Variants in NFIB observed in about 807,000 individuals in gnomAD.
The protein encoded by NFIB is nuclear factor I B.
NFIB carries 11 observed loss-of-function variants against 61.5 expected under a neutral mutation model. The observed-to-expected ratio is 0.18, with a 90% confidence interval of 0.11 to 0.30. The LOEUF is 0.30. NFIB is among the 10% of genes least tolerant of loss of function. The pLI, the probability that NFIB is intolerant of heterozygous loss-of-function variation, is 1.00. For synonymous variants in NFIB, 260 were observed against 216.5 expected (o/e 1.20, Z -1.76); for missense variants, 471 against 608.9 (o/e 0.77, Z 2.38).
At chr9:14,124,170 G>A (rs1382443572) in intron 7 of NFIB, among the ~76,000 whole-genome samples, 1 of 152,064 alleles carries the variant, frequency 6.6e-6, no homozygotes, top group African/African-American at 2.4e-5. Context: ...GCTCATCTAG[G>A]TCTCTCCTGT....
At chr9:14,459,607 C>A in the NFIB span, among the ~76,000 whole-genome samples, 3 of 151,566 alleles carry the variant, frequency 2.0e-5, no homozygotes, top group Admixed American at 6.6e-5. Context: ...AAAATTTTTG[C>A]AATCTACTCA....
At position 14,313,740 on chromosome 9, in the gene NFIB, T is replaced by TTAA. The variant is rs1588284979; in HGVS notation, c.-230_-229insTTA. On this transcript the variant is annotated 5_prime_UTR_variant, in exon 1 of 11. Transcript: ENST00000380953. This position sits in a 1 kb window ranked among gnomAD's most constrained non-coding sequence, Gnocchi z 4.5. ...TCCAGGGGTGAAATCCAATCTACAC[T>TTAA]TTTAACCCTCTTGCAGTCCGAGCGC... The TTAA allele has an allele frequency of 1.9e-5, 26 of 1,392,460 alleles. No homozygotes were observed. The East Asian group carries it at 6.9e-4, about 37-fold the overall frequency. The allele number at this position is 1,392,460 out of a possible 1,614,324, so 86.3% of individuals were successfully genotyped here.
At chr9:14,427,934 G>GTTTTTTTT in the NFIB span, among the ~76,000 whole-genome samples, 62 of 25,960 alleles carry the variant, frequency 2.4e-3, 2 homozygotes, top group African/African-American at 3.2e-3. Context: ...CTTTAATTCA[G>GTTTTTTTT]TTGTTTTTTT....
chr9:14,093,356 T>A (rs1042278268), intron 10 of NFIB: 18 of 152,014 alleles, frequency 1.2e-4, no homozygotes, highest in Non-Finnish European at 2.6e-4. Context: ...GGTTTAATCA[T>A]GAGAAAATAC....
At chr9:14,486,509 G>A in the NFIB span, among the ~76,000 whole-genome samples, 10 of 152,194 alleles carry the variant, frequency 6.6e-5, no homozygotes, top group Non-Finnish European at 1.2e-4. Flanking sequence ...AAATGCAAAC[G>A]GAAGTACCTG....
At chr9:14,423,354 A>C in the NFIB span, among the ~76,000 whole-genome samples, 2 of 152,216 alleles carry the variant, frequency 1.3e-5, no homozygotes, top group African/African-American at 4.8e-5. Context: ...TCTCGTGCTA[A>C]AGCTATACAT....
At chr9:14,105,622 G>A (rs765787729) in intron 10 of NFIB, among the ~76,000 whole-genome samples, 23 of 151,918 alleles carry the variant, frequency 1.5e-4, no homozygotes, top group Non-Finnish European at 2.6e-4. Flanking sequence ...TATGGGTGGG[G>A]GATGCAATTA....
At chr9:14,146,838 G>C (rs776998839) in intron 5 of NFIB, 31 bp from the exon 6 acceptor site, 3 of 1,594,158 alleles carry the variant, frequency 1.9e-6, no homozygotes, top group African/African-American at 2.7e-5. Flanking sequence ...TTATATTAAT[G>C]GGATTTCTGG....
chr9:14,450,093 A>G, the NFIB span, among the ~76,000 whole-genome samples: 1 of 152,026 alleles, frequency 6.6e-6, no homozygotes, highest in Admixed American at 6.5e-5. Flanking sequence ...TACATTAGTT[A>G]TTTCTCTTAA....
Position 14,182,258 on chromosome 9 carries a change from T to G in NFIB, c.563-2478A>C, listed in dbSNP as rs116149291. On this transcript the variant is annotated intron_variant, in intron 2 of 10. Coordinates refer to ENST00000380953, the MANE Select transcript of NFIB (RefSeq NM_001190737.2). ...GGCACACATTGGCTTTTTGTAACAA[T>G]TCCACTTTCTAAAATGATCTGGTGT... Among the ~76,000 whole-genome samples the G allele has an allele frequency of 5.7e-3, 866 of 152,282 alleles. 8 individuals carry two copies. Among genetic ancestry groups the G allele is most frequent in the African/African-American group, 0.02 (839 of 41,562 alleles).
At chr9:14,417,934 C>T in the NFIB span, among the ~76,000 whole-genome samples, 15 of 152,114 alleles carry the variant, frequency 9.9e-5, no homozygotes, top group South Asian at 1.0e-3. Flanking sequence ...GTGCCCCCCA[C>T]GCCCAGCTAA....
At chr9:14,448,990 A>G in the NFIB span, among the ~76,000 whole-genome samples, 2 of 152,194 alleles carry the variant, frequency 1.3e-5, no homozygotes, top group Admixed American at 1.3e-4. Context: ...GAAGAGCACT[A>G]TGAGACAGTG....
chr9:14,361,032 T>A (rs940027990), intron 1 of NFIB, among the ~76,000 whole-genome samples: 1 of 152,166 alleles, frequency 6.6e-6, no homozygotes, highest in Non-Finnish European at 1.5e-5. Context: ...CATTCAGCAT[T>A]TCTATCTTTA....
the NFIB span, among the ~76,000 whole-genome samples, chr9:14,466,927 G>C: frequency 6.6e-6 from 1 of 152,110 alleles, no homozygotes; most frequent in Non-Finnish European, 1.5e-5. Flanking sequence ...CCAAGGCTGG[G>C]GTTAGGAAAT....
chr9:14,141,902 C>CAAAAA (rs1207435536), intron 6 of NFIB, among the ~76,000 whole-genome samples: 80 of 53,266 alleles, frequency 1.5e-3, no homozygotes, highest in East Asian at 4.0e-3. Context: ...CTGCTGCTCA[C>CAAAAA]AAAAAAAAAA....
chr9:14,463,577 C>T, the NFIB span, among the ~76,000 whole-genome samples: 4 of 151,946 alleles, frequency 2.6e-5, no homozygotes, highest in African/African-American at 7.3e-5. Context: ...AGTGAATTTT[C>T]CCCACATTTT....
At chr9:14,283,586 A>T (rs2058520612) in intron 2 of NFIB, among the ~76,000 whole-genome samples, 1 of 152,228 alleles carries the variant, frequency 6.6e-6, no homozygotes, top group Non-Finnish European at 1.5e-5. Flanking sequence ...AGTCCTGATC[A>T]TGCTCAGGGC....
At chr9:14,497,750 T>C in the NFIB span, among the ~76,000 whole-genome samples, 1 of 152,082 alleles carries the variant, frequency 6.6e-6, no homozygotes, top group Non-Finnish European at 1.5e-5. Flanking sequence ...GCCACAGAGG[T>C]GGGTATTTGA....
At chr9:14,378,512 A>G (rs1414671881) in intron 1 of NFIB, among the ~76,000 whole-genome samples, 1 of 152,080 alleles carries the variant, frequency 6.6e-6, no homozygotes, top group Non-Finnish European at 1.5e-5. Flanking sequence ...ACGCGCCACC[A>G]CGCCCAGCTA....
Sources: gnomAD v4.1 joint callset for allele counts (sites outside exome capture counted in the v4.1 genomes callset) on GRCh38, gnomAD v4.1.1 for gene constraint, Gnocchi (gnomAD v3.1) non-coding constraint, MANE v1.5 for transcripts, NCBI Gene and HGNC (gene_info 2026-07-23, HGNC 2026-07-21) for gene names.